Variants in KNTC1 observed in about 807,000 individuals in gnomAD.
KNTC1 encodes the protein kinetochore associated 1.
Under a neutral mutation model 314.4 loss-of-function variants are expected in KNTC1, and 253 were observed. The observed-to-expected ratio is 0.80, with a 90% CI of 0.73 to 0.89. The LOEUF (loss-of-function observed/expected upper bound fraction) is 0.89, where lower values mean the gene tolerates loss of function less well. KNTC1 is among the 40% of genes least tolerant of loss of function. The pLI, the probability that KNTC1 is intolerant of heterozygous loss-of-function variation, is 0.00. For synonymous variants in KNTC1, 901 were observed against 901.4 expected (o/e 1.00, Z 0.01); for missense variants, 2,475 against 2,572.9 (o/e 0.96, Z 0.82).
Position 122,584,972 on chromosome 12 carries a change from CTG to C in KNTC1, c.3519_3520del (p.Cys1173TrpfsTer12). On this transcript the variant is annotated frameshift_variant, in exon 36 of 64. Transcript: ENST00000333479. LOFTEE classifies it high-confidence loss of function. ...ELSRQCQMDD[C>X]GILMKASFGT... ...TTTCCAGACAATGCCAAATGGATGA[CTG>C]TGGAATCCTCATGAAAGTAAGTTAC... The C allele has an allele frequency of 6.3e-7, 1 of 1,592,888 alleles. No homozygotes were observed. The highest frequency in any genetic ancestry group is 8.6e-7 in the Non-Finnish European group (1 of 1,161,230).
chr12:122,543,703 T>C (rs1962528372), intron 7 of KNTC1, 69 bp downstream of exon 7: 1 of 881,654 alleles, frequency 1.1e-6, no homozygotes, highest in African/African-American at 1.7e-5. Context: ...AGAATGTTTC[T>C]GTATATAATT....
Position 122,546,663 on chromosome 12 carries a change from C to T in KNTC1, c.805C>T (p.Leu269Phe). The change falls in exon 10 of 64, where the codon CTT (leucine) becomes TTT (phenylalanine). Residue 269 changes from leucine (L) to phenylalanine (F), a missense_variant. Coordinates refer to ENST00000333479, the MANE Select transcript of KNTC1 (RefSeq NM_014708.6). The part of the protein sequence containing the change: ...FQLIDNLLFV[L>F]DTDNVLSLWD... ...GCTGATAGACAATCTACTTTTTGTT[C>T]TTGATACTGATGTATGTTTCTTGTT... The T allele has an allele frequency of 1.3e-6, 2 of 1,574,850 alleles. No individual in the cohort carries two copies.
intron 42 of KNTC1, 181 bp from the exon 43 acceptor site, chr12:122,594,095 C>T: frequency 3.5e-6 from 2 of 568,230 alleles, no homozygotes; most frequent in African/African-American, 1.9e-5. Flanking sequence ...AGTTTCGGAC[C>T]CATGTACACC....
chr12:122,624,457 A>G (rs118030114), intron 62 of KNTC1, 141 bp from the exon 63 acceptor site: 3 of 546,728 alleles, frequency 5.5e-6, no homozygotes, highest in Non-Finnish European at 6.5e-6. Flanking sequence ...TTGTAGAGAC[A>G]GGGCTTTGCC....
At chr12:122,543,691 G>A (rs1962527131) in intron 7 of KNTC1, 57 bp downstream of exon 7, 12 of 1,054,228 alleles carry the variant, frequency 1.1e-5, no homozygotes, top group Non-Finnish European at 1.5e-5. Flanking sequence ...TATTAATGTA[G>A]TAGAATGTTT....
Position 122,557,550 on chromosome 12 carries a change from G to A in KNTC1, c.1398+41G>A, listed in dbSNP as rs374743109. 2.9e-4 allele frequency: 468 copies of A among 1,611,478 alleles called. 1 individual carries two copies. Among genetic ancestry groups the A allele is most frequent in the Non-Finnish European group, 3.5e-4 (415 of 1,178,246 alleles). On this transcript the variant is annotated intron_variant, in intron 17 of 63. Coordinates refer to ENST00000333479, the MANE Select transcript of KNTC1 (RefSeq NM_014708.6). ...CACATACTACAGTATTTAGATTGAC[G>A]TGTTGATCAACATTAGGTTGCCTTA...
intron 51 of KNTC1, 35 bp from the exon 52 acceptor site, chr12:122,609,349 T>C (rs765502261): frequency 4.4e-6 from 6 of 1,365,404 alleles, no homozygotes; most frequent in South Asian, 3.9e-5. Flanking sequence ...ATAAACTTTT[T>C]CAGTTTTTGA....
rs747728318 is a variant in KNTC1, at chr12:122,613,734, G to A, written c.5850G>A (p.Leu1950=). 3.7e-6 allele frequency: 6 copies of A among 1,611,078 alleles called. No individual in the cohort carries two copies. The highest frequency in any genetic ancestry group is 3.4e-5 in the Admixed American group (2 of 59,482). Residue 1950 remains leucine, a synonymous_variant, in exon 55 of 64, where the codon CTG becomes CTA. Transcript: ENST00000333479. ...CTAAAGAAGGAATGATTAAGGGTCT[G>A]TGGAAAAACCACAGCCACGAGTCCA... The part of the protein sequence containing the change: ...SSPKEGMIKG[L]WKNHSHESMA...
Position 122,622,589 on chromosome 12 carries a change from A to G in KNTC1, c.6497A>G (p.Tyr2166Cys). 3 of 1,540,168 alleles carry G rather than the reference A, an allele frequency of 1.9e-6. No homozygotes were observed. The highest frequency in any genetic ancestry group is 1.7e-6 in the Non-Finnish European group (2 of 1,143,828). Residue 2166 changes from tyrosine (Y) to cysteine (C), a missense_variant, in exon 62 of 64, where the codon TAT (tyrosine) becomes TGT (cysteine). Physicochemically the swap from Tyr to Cys is radical, Grantham distance 194. Coordinates refer to ENST00000333479, the MANE Select transcript of KNTC1 (RefSeq NM_014708.6). ...AACAATATCACTGAGCTAGTGAACT[A>G]TTTGGCAAATGACTTAAGGTAAGTT... Reference protein sequence around the residue: ...NTNNITELVNYLANDLSLDEA... With the variant: ...NTNNITELVNCLANDLSLDEA...
intron 20 of KNTC1, chr12:122,563,683 G>T (rs934010922): frequency 6.6e-5 from 64 of 974,876 alleles, no homozygotes; most frequent in Non-Finnish European, 8.1e-5. Flanking sequence ...ATCCTATTGA[G>T]TAATAGCCAT....
intron 22 of KNTC1, among the ~76,000 whole-genome samples, 184 bp from the exon 23 acceptor site, chr12:122,570,692 C>G (rs1476000092): frequency 6.6e-6 from 1 of 152,058 alleles, no homozygotes; most frequent in Admixed American, 6.6e-5. Context: ...TGTATCAATG[C>G]ATCTCATGTA....
intron 20 of KNTC1, among the ~76,000 whole-genome samples, chr12:122,564,709 C>T (rs375631137): frequency 6.6e-5 from 10 of 152,106 alleles, no homozygotes; most frequent in East Asian, 3.9e-4. Context: ...TGAGCTCAAG[C>T]GATCTGCCTG....
intron 12 of KNTC1, among the ~76,000 whole-genome samples, chr12:122,548,640 G>A (rs1962964395): frequency 6.6e-6 from 1 of 152,114 alleles, no homozygotes; most frequent in Non-Finnish European, 1.5e-5. Flanking sequence ...TTGGAATATG[G>A]GGTAGAACAT....
chr12:122,554,119 C>T (rs1013899847), intron 16 of KNTC1, among the ~76,000 whole-genome samples: 5 of 137,922 alleles, frequency 3.6e-5, no homozygotes, highest in East Asian at 4.1e-4. Flanking sequence ...TTTGTAGAGG[C>T]GGGGTTTCAC....
chr12:122,584,426 C>CAAG lies in KNTC1; in HGVS notation c.3413_3415dup (p.Gln1138_Ala1139insGlu). The stretch of plus-strand genomic sequence containing the variant: ...TTCCATGATACATGATCTAGCAAGC[C>CAAG]AAGCTGCCACCATTTGCAGTCCAGG... On this transcript the variant is annotated inframe_insertion, in exon 35 of 64. Coordinates refer to ENST00000333479, the MANE Select transcript of KNTC1 (RefSeq NM_014708.6). 1 of 1,609,260 alleles carries CAAG rather than the reference C, an allele frequency of 6.2e-7. No individual in the cohort carries two copies. Among genetic ancestry groups the CAAG allele is most frequent in the Non-Finnish European group, 8.5e-7 (1 of 1,177,284 alleles).
At chr12:122,549,012 A>G (rs1224484968) in intron 12 of KNTC1, among the ~76,000 whole-genome samples, 1 of 152,204 alleles carries the variant, frequency 6.6e-6, no homozygotes, top group Non-Finnish European at 1.5e-5. Context: ...AGACTTACTT[A>G]TAAATGCTTA....
intron 24 of KNTC1, 53 bp downstream of exon 24, chr12:122,571,179 G>C: frequency 1.5e-6 from 2 of 1,344,662 alleles, no homozygotes; most frequent in East Asian, 2.3e-5. Flanking sequence ...TACCTGAAAG[G>C]GTTTGTCTGC....
In KNTC1 at chr12:122,562,671, T is replaced by TA; in HGVS notation, c.1577dup (p.Tyr526Ter). 6.2e-7 allele frequency: 1 copy of TA among 1,610,764 alleles called. No homozygotes were observed. The highest frequency in any genetic ancestry group is 8.5e-7 in the Non-Finnish European group (1 of 1,177,324). The change falls in exon 20 of 64, where the codon TAT becomes TAAT. Residue 526 changes from tyrosine (Y) to a stop codon, truncating the protein, a stop_gained and frameshift_variant. Coordinates refer to ENST00000333479, the MANE Select transcript of KNTC1 (RefSeq NM_014708.6). LOFTEE classifies it high-confidence loss of function. ...AGCTCATGCAAAATTGACTACTTTT[T>TA]ATGGAGCATTTGGACCAGAAAAATT... The part of the protein sequence containing the change: ...LRAHAKLTTF[Y>*]GAFGPEKFSG...
intron 57 of KNTC1, 23 bp from the exon 58 acceptor site, chr12:122,618,320 C>G (rs1318738251): frequency 6.2e-7 from 1 of 1,610,348 alleles, no homozygotes; most frequent in Non-Finnish European, 8.5e-7. Context: ...ATGAATATCC[C>G]AAACGTGGAC....
Sources: gnomAD v4.1 joint callset for allele counts (sites outside exome capture counted in the v4.1 genomes callset) on GRCh38, gnomAD v4.1.1 for gene constraint, MANE v1.5 for transcripts, NCBI Gene and HGNC (gene_info 2026-07-23, HGNC 2026-07-21) for gene names.